Variants in ERAP2 observed in about 807,000 individuals in gnomAD.
ERAP2 encodes endoplasmic reticulum aminopeptidase 2.
ERAP2 carries 118 observed loss-of-function variants against 111.1 expected under a neutral mutation model. That is an observed-to-expected ratio of 1.06 (90% CI 0.92 to 1.24). The LOEUF (loss-of-function observed/expected upper bound fraction) is 1.24. ERAP2 is among the 50% of genes most tolerant of loss of function. The pLI, the probability that ERAP2 is intolerant of heterozygous loss-of-function variation, is 0.00. For missense variants in ERAP2, 1,131 were observed against 1,125.8 expected (o/e 1.00, Z -0.07); for synonymous variants, 410 against 401.2 (o/e 1.02, Z -0.26).
rs1482590459 is a variant in ERAP2 at position 96,896,406 on chromosome 5, AT to A, written c.1275del (p.Thr426GlnfsTer5). The A allele has an allele frequency of 1.9e-6, 3 of 1,612,028 alleles. No individual in the cohort carries two copies. The highest frequency in any genetic ancestry group is 1.3e-5 in the African/African-American group (1 of 74,970). On this transcript the variant is annotated frameshift_variant, in exon 8 of 19. Coordinates refer to ENST00000437043, the MANE Select transcript of ERAP2 (RefSeq NM_022350.5). LOFTEE classifies it high-confidence loss of function. ...DYFLNVCFEV[I>X]TKDSLNSSRP... ...TTTTTTGAATGTGTGTTTTGAAGTA[AT>A]TACAAAAGATTCATTGAATTCATCC...
At chr5:96,908,374 C>G (rs1786339419) in intron 13 of ERAP2, among the ~76,000 whole-genome samples, 1 of 152,178 alleles carries the variant, frequency 6.6e-6, no homozygotes, top group African/African-American at 2.4e-5. Context: ...ATTCTTCTCA[C>G]TAGAAGAAAA....
chr5:96,903,589 CA>C, intron 13 of ERAP2, 29 bp downstream of exon 13: 1 of 1,563,152 alleles, frequency 6.4e-7, no homozygotes, highest in Non-Finnish European at 8.7e-7. Flanking sequence ...TGACTTCATG[CA>C]AAATAACTGA....
chr5:96,901,450 T>C, intron 10 of ERAP2, 56 bp from the exon 11 acceptor site: 1 of 1,560,722 alleles, frequency 6.4e-7, no homozygotes, highest in Non-Finnish European at 8.8e-7. Flanking sequence ...TTTCTGTCCC[T>C]CTGTCTTTGG....
intron 13 of ERAP2, among the ~76,000 whole-genome samples, chr5:96,906,770 G>A (rs992315947): frequency 6.6e-6 from 1 of 152,168 alleles, no homozygotes; most frequent in Non-Finnish European, 1.5e-5. Flanking sequence ...AGTGGCTCAC[G>A]CCTGTAATCC....
At chr5:96,894,634 C>A (rs1474290438) in intron 6 of ERAP2, among the ~76,000 whole-genome samples, 1 of 152,048 alleles carries the variant, frequency 6.6e-6, no homozygotes, top group African/African-American at 2.4e-5. Flanking sequence ...TATATTTATG[C>A]ATCCTTTTTA....
intron 2 of ERAP2, among the ~76,000 whole-genome samples, chr5:96,882,922 C>T (rs1267618574): frequency 1.3e-5 from 2 of 152,148 alleles, no homozygotes; most frequent in Non-Finnish European, 2.9e-5. Flanking sequence ...AAAATCTGCT[C>T]TCCAAATTCA....
intron 18 of ERAP2, 130 bp from the exon 19 acceptor site, chr5:96,917,332 G>T: frequency 1.5e-6 from 1 of 678,200 alleles, no homozygotes; most frequent in East Asian, 3.0e-5. Flanking sequence ...TGTTGCCTAG[G>T]CTCGTATTGA....
chr5:96,911,023 TTATTA>T (rs1468676104), intron 15 of ERAP2, among the ~76,000 whole-genome samples: 2 of 152,230 alleles, frequency 1.3e-5, no homozygotes, highest in African/African-American at 2.4e-5. Flanking sequence ...TATTTGATCT[TTATTA>T]TATTATTCAA....
intron 12 of ERAP2, among the ~76,000 whole-genome samples, chr5:96,903,130 C>A (rs922380558): frequency 4.6e-5 from 7 of 152,132 alleles, no homozygotes; most frequent in African/African-American, 1.7e-4. Flanking sequence ...CTTAGACCTG[C>A]ATAGACAATT....
chr5:96,913,829 T>C (rs951938121), intron 17 of ERAP2, among the ~76,000 whole-genome samples: 1 of 152,222 alleles, frequency 6.6e-6, no homozygotes, highest in Non-Finnish European at 1.5e-5. Flanking sequence ...CCTCATTTGT[T>C]AATGCAGTTT....
At chr5:96,911,866 C>CAAAAAAAAAAAA (rs386358295) in intron 15 of ERAP2, among the ~76,000 whole-genome samples, 91 of 56,324 alleles carry the variant, frequency 1.6e-3, no homozygotes, top group Admixed American at 3.3e-3. Context: ...GACCCTGTCT[C>CAAAAAAAAAAAA]AAAAAAAAAA....
In ERAP2 at chr5:96,909,124, G is replaced by T. The variant is rs1352009199; in HGVS notation, c.2169+7G>T. ...TATCTCTGAAAACCTCAAGGTTTGT[G>T]TTGCTTTTAGAAAATGTATTAAGTA... is the stretch of plus-strand genomic sequence containing the variant. On this transcript the variant is annotated splice_region_variant and intron_variant, in intron 14 of 18. Coordinates refer to ENST00000437043, the MANE Select transcript of ERAP2 (RefSeq NM_022350.5). 32 of 1,613,294 alleles carry T rather than the reference G, an allele frequency of 2.0e-5. No homozygotes were observed. Among genetic ancestry groups the T allele is most frequent in the Non-Finnish European group, 2.5e-5 (30 of 1,179,468 alleles).
Position 96,889,265 on chromosome 5 carries a change from T to A in ERAP2, c.930T>A (p.Tyr310Ter). ...LQASLKLLDFYEKYFDIYYPL... is the reference protein window; with the variant it reads ...LQASLKLLDF The stretch of plus-strand genomic sequence containing the variant: ...CATCACTGAAGCTACTTGATTTTTA[T>A]GAAAAGTACTTTGATATCTACTATC... The change falls in exon 5 of 19, where the codon TAT becomes TAA. Residue 310 changes from tyrosine (Y) to a stop codon, truncating the protein, a stop_gained. Coordinates refer to ENST00000437043, the MANE Select transcript of ERAP2 (RefSeq NM_022350.5). LOFTEE classifies it high-confidence loss of function. 6.2e-7 allele frequency: 1 copy of A among 1,614,006 alleles called. No homozygotes were observed. Among genetic ancestry groups the A allele is most frequent in the Non-Finnish European group, 8.5e-7 (1 of 1,179,856 alleles).
At chr5:96,904,009 G>T (rs2548531) in intron 13 of ERAP2, among the ~76,000 whole-genome samples, 1 of 151,682 alleles carries the variant, frequency 6.6e-6, no homozygotes, top group Non-Finnish European at 1.5e-5. Flanking sequence ...ATGTATTTAT[G>T]TTATTAGCTG....
At chr5:96,916,488 G>GTCT (rs1787408226) in intron 18 of ERAP2, among the ~76,000 whole-genome samples, 1 of 117,874 alleles carries the variant, frequency 8.5e-6, no homozygotes, top group Non-Finnish European at 1.7e-5. Context: ...TTGAGGCGGA[G>GTCT]TCTTGCTCTG....
Position 96,909,645 on chromosome 5 carries a change from C to G in ERAP2, c.2235C>G (p.Val745=). 1 of 1,614,210 alleles carries G rather than the reference C, an allele frequency of 6.2e-7. No homozygotes were observed. The highest frequency in any genetic ancestry group is 1.7e-5 in the Admixed American group (1 of 60,022). ...DRQSWSDKGS[V]WDRMLRSALL... is the part of the protein sequence containing the mutation. ...AAAGCTGGAGTGACAAGGGCTCAGT[C>G]TGGGACAGGATGCTCCGCTCGGCTC... is the stretch of plus-strand genomic sequence containing the variant. The change falls in exon 15 of 19, where the codon GTC becomes GTG. Residue 745 remains valine, a synonymous_variant. Coordinates refer to ENST00000437043, the MANE Select transcript of ERAP2 (RefSeq NM_022350.5).
At position 96,883,837 on chromosome 5, in the gene ERAP2, T is replaced by C; in HGVS notation, c.621T>C (p.Ala207=). The C allele has an allele frequency of 1.2e-6, 2 of 1,613,676 alleles. No individual in the cohort carries two copies. Among genetic ancestry groups the C allele is most frequent in the Non-Finnish European group, 8.5e-7 (1 of 1,179,842 alleles). ...TDFEPTQARM[A]FPCFDEPLFK... is the part of the protein sequence containing the mutation. ...TTGAGCCAACCCAGGCACGCATGGC[T>C]TTCCCTTGCTTTGATGAACCGTTGT... The change falls in exon 3 of 19, where the codon GCT becomes GCC. Residue 207 remains alanine, a synonymous_variant. Transcript: ENST00000437043.
At position 96,886,794 on chromosome 5, in the gene ERAP2, G is replaced by A. The variant is rs376644619; in HGVS notation, c.849+5G>A. The A allele has an allele frequency of 1.3e-4, 190 of 1,485,646 alleles. No homozygotes were observed. Among genetic ancestry groups the A allele is most frequent in the Middle Eastern group, 1.8e-4 (1 of 5,610 alleles). The allele number at this position is 1,485,646 out of a possible 1,614,324, so 92.0% of individuals were successfully genotyped here. ...TTCACTTCATCAGGGGTCAAGGTGA[G>A]ACTGAGTTCTAACGTTCTACGCAGT... On this transcript the variant is annotated splice_donor_5th_base_variant and intron_variant, in intron 4 of 18. Transcript: ENST00000437043.
chr5:96,917,394 T>C, intron 18 of ERAP2, 68 bp from the exon 19 acceptor site: 1 of 1,463,934 alleles, frequency 6.8e-7, no homozygotes, highest in Non-Finnish European at 9.3e-7. Flanking sequence ...GTGCTGGGAT[T>C]ACAGGTGTGA....
Sources: gnomAD v4.1 joint callset for allele counts (sites outside exome capture counted in the v4.1 genomes callset) on GRCh38, gnomAD v4.1.1 for gene constraint, MANE v1.5 for transcripts, NCBI Gene and HGNC (gene_info 2026-07-23, HGNC 2026-07-21) for gene names.